The following ANKIB1 variants were observed in gnomAD, a reference collection of about 807,000 sequenced individuals.
ANKIB1 encodes ankyrin repeat and IBR domain containing 1.
ANKIB1 carries 43 observed loss-of-function variants against 122.1 expected under a neutral mutation model. The ratio of observed to expected loss-of-function variants is 0.35; its 90% CI spans 0.28 to 0.45. The LOEUF (loss-of-function observed/expected upper bound fraction) is 0.45. Ranked by LOEUF, ANKIB1 falls within the 20% of genes least tolerant of loss-of-function variation. ANKIB1 has a pLI of 1.00. For synonymous variants in ANKIB1, 390 were observed against 442.0 expected, an observed-to-expected ratio of 0.88 and a Z score of 1.48; for missense variants, 992 against 1,329.5, an observed-to-expected ratio of 0.75 and a Z score of 3.95.
chr7:92,384,617 C>G (rs970142215), intron 11 of ANKIB1, among the ~76,000 whole-genome samples: 13 of 152,064 alleles, frequency 8.5e-5, no homozygotes, highest in Non-Finnish European at 1.5e-4. Flanking sequence ...ACAAACCTGA[C>G]AAAAACAAGA....
intron 3 of ANKIB1, among the ~76,000 whole-genome samples, chr7:92,314,910 G>A (rs2131944134): frequency 6.6e-6 from 1 of 152,212 alleles, no homozygotes; most frequent in Non-Finnish European, 1.5e-5. Context: ...GGTTTGTGTG[G>A]TGGTACTGGA....
At chr7:92,258,121 G>C (rs1301522698) in intron 1 of ANKIB1, among the ~76,000 whole-genome samples, 2 of 152,142 alleles carry the variant, frequency 1.3e-5, no homozygotes, top group Non-Finnish European at 2.9e-5. Context: ...AAGTAAAAAG[G>C]GAGAATAAAG....
intron 10 of ANKIB1, among the ~76,000 whole-genome samples, chr7:92,366,518 C>G (rs1804087244): frequency 6.6e-6 from 1 of 152,198 alleles, no homozygotes; most frequent in Non-Finnish European, 1.5e-5. Context: ...CTCAAGCAGT[C>G]TTAAACTATG....
At position 92,377,487 on chromosome 7, in the gene ANKIB1, G is replaced by A. The variant is rs185890126; in HGVS notation, c.1617+5880G>A. 1.1e-4 allele frequency among the ~76,000 whole-genome samples: 17 copies of A among 152,222 alleles called. No homozygotes were observed. In the East Asian group the frequency reaches 1.4e-3, roughly 12 times the overall value. On this transcript the variant is annotated intron_variant, in intron 11 of 19. Coordinates refer to ENST00000265742, the MANE Select transcript of ANKIB1 (RefSeq NM_019004.2). ...AGAATTACCAAAATGTGACACAGAC[G>A]AGCAGTGAGCACATGCTGTTGGAAA...
At chr7:92,248,011 ACTT>A (rs758713006) in intron 1 of ANKIB1, among the ~76,000 whole-genome samples, 6 of 152,230 alleles carry the variant, frequency 3.9e-5, no homozygotes, top group Admixed American at 3.9e-4. Flanking sequence ...CTGGAAATGT[ACTT>A]AGCACAGAAG....
chr7:92,286,313 A>G (rs776889071), intron 1 of ANKIB1, among the ~76,000 whole-genome samples: 69 of 152,046 alleles, frequency 4.5e-4, no homozygotes, highest in African/African-American at 1.4e-3. Context: ...TGTCATTTAC[A>G]TGTGGCCCAG....
At chr7:92,346,548 A>G (rs1803543520) in intron 7 of ANKIB1, among the ~76,000 whole-genome samples, 1 of 152,228 alleles carries the variant, frequency 6.6e-6, no homozygotes, top group African/African-American at 2.4e-5. Flanking sequence ...CTCAGAGTCT[A>G]CTTAGATAGG....
chr7:92,246,204 C>T lies in ANKIB1; in HGVS notation c.-406C>T, dbSNP rs1249703438. 5.4e-6 allele frequency: 2 copies of T among 367,580 alleles called. No homozygotes were observed. The highest frequency in any genetic ancestry group is 1.0e-5 in the Non-Finnish European group (2 of 194,314). The allele number at this position is 367,580 out of a possible 1,614,324, so 22.8% of individuals were successfully genotyped here. A position where few individuals can be genotyped will look rare whatever the true frequency, so the allele number is the denominator to read the frequency against. On this transcript the variant is annotated 5_prime_UTR_variant, in exon 1 of 20. Coordinates refer to ENST00000265742, the MANE Select transcript of ANKIB1 (RefSeq NM_019004.2). ...CGCGAGGCGGAGGCAAGAGCCACCG[C>T]CCCCTCTTCCCCTCCCCCGAGTGAG...
chr7:92,328,010 A>G lies in ANKIB1; in HGVS notation c.787+110A>G. On this transcript the variant is annotated intron_variant, in intron 5 of 19. Coordinates refer to ENST00000265742, the MANE Select transcript of ANKIB1 (RefSeq NM_019004.2). Reference sequence around the variant, plus strand: ...GAATACAGAACAAAATGGTTTGTTAAAAAAGCCTAAGTTGTGTTTTGTGCA... The same window carrying G: ...GAATACAGAACAAAATGGTTTGTTAGAAAAGCCTAAGTTGTGTTTTGTGCA... 5.8e-6 allele frequency: 4 copies of G among 692,870 alleles called. No individual in the cohort carries two copies. The South Asian group carries it at 7.6e-5, about 13-fold the overall frequency. 42.9% of individuals were successfully genotyped at this position (692,870 alleles called of 1,614,324 possible).
At chr7:92,276,584 G>A (rs951458492) in intron 1 of ANKIB1, among the ~76,000 whole-genome samples, 3 of 152,204 alleles carry the variant, frequency 2.0e-5, no homozygotes, top group African/African-American at 7.2e-5. Context: ...AAGGTACCTT[G>A]ACAGCTAAGC....
intron 1 of ANKIB1, among the ~76,000 whole-genome samples, chr7:92,285,693 T>G (rs1371190765): frequency 6.6e-6 from 1 of 152,224 alleles, no homozygotes; most frequent in Non-Finnish European, 1.5e-5. Flanking sequence ...AACACTGAAT[T>G]ACATTGGCCA....
chr7:92,308,793 A>G (rs192716048), intron 3 of ANKIB1, among the ~76,000 whole-genome samples: 53 of 152,250 alleles, frequency 3.5e-4, no homozygotes, highest in African/African-American at 1.2e-3. Flanking sequence ...ATCCTTACAT[A>G]TCTCATAGAA....
chr7:92,300,069 A>G (rs1802431292), intron 2 of ANKIB1, among the ~76,000 whole-genome samples: 1 of 152,084 alleles, frequency 6.6e-6, no homozygotes, highest in African/African-American at 2.4e-5. Flanking sequence ...CGGCCTCCCA[A>G]AGTGTGGGGA....
At chr7:92,379,277 A>G (rs911242839) in intron 11 of ANKIB1, among the ~76,000 whole-genome samples, 24 of 152,252 alleles carry the variant, frequency 1.6e-4, no homozygotes, top group Admixed American at 1.5e-3. Context: ...CTGTAGTCCT[A>G]GCTACTCGGG....
At position 92,246,120 on chromosome 7, in the gene ANKIB1, G is replaced by A. The variant is rs1480451151; in HGVS notation, c.-490G>A. 3 of 286,768 alleles carry A rather than the reference G, an allele frequency of 1.0e-5. No individual in the cohort carries two copies. Among genetic ancestry groups the A allele is most frequent in the Non-Finnish European group, 2.0e-5 (3 of 149,034 alleles). The allele number at this position is 286,768 out of a possible 1,614,324, so 17.8% of individuals were successfully genotyped here. On this transcript the variant is annotated 5_prime_UTR_variant, in exon 1 of 20. Coordinates refer to ENST00000265742, the MANE Select transcript of ANKIB1 (RefSeq NM_019004.2). ...CGGAGCCGGAGCCGGAGGCGGGGGA[G>A]GGGAAGAGGGCGGCCGGGGCTGCGA... is the stretch of plus-strand genomic sequence containing the variant.
In ANKIB1 at chr7:92,381,208, A is replaced by G. The variant is rs370673883; in HGVS notation, c.1618-5301A>G. Among the ~76,000 whole-genome samples the G allele has an allele frequency of 5.1e-4, 77 of 152,326 alleles. No homozygotes were observed. In the South Asian group the frequency reaches 0.015, roughly 30 times the overall value. ...TTGGGAGAAAAAAGAGTAAAAAGAA[A>G]TGAACGAAGCCTCCAAGAAATAAGA... On this transcript the variant is annotated intron_variant, in intron 11 of 19. Coordinates refer to ENST00000265742, the MANE Select transcript of ANKIB1 (RefSeq NM_019004.2).
chr7:92,381,020 A>G (rs1257368029), intron 11 of ANKIB1, among the ~76,000 whole-genome samples: 1 of 152,192 alleles, frequency 6.6e-6, no homozygotes, highest in Non-Finnish European at 1.5e-5. Flanking sequence ...AAAAGATTAG[A>G]TGAATGGCTA....
rs201250536 is a variant in ANKIB1 at position 92,345,037 on chromosome 7, A to G, written c.1056A>G (p.Gly352=). The G allele has an allele frequency of 5.6e-3, 9,081 of 1,613,312 alleles. 49 individuals carry two copies. The highest frequency in any genetic ancestry group is 6.7e-3 in the Non-Finnish European group (7,908 of 1,179,500). ...VFEDPVDMPC[G]HDFCRGCWES... ...AAGACCCTGTGGATATGCCCTGTGGACATGACTTTTGTAGAGGATGTTGGG... is the reference window on the plus strand; with the variant it reads ...AAGACCCTGTGGATATGCCCTGTGGGCATGACTTTTGTAGAGGATGTTGGG... The change falls in exon 7 of 20, where the codon GGA becomes GGG. Residue 352 remains glycine (G), a synonymous_variant. Coordinates refer to ENST00000265742, the MANE Select transcript of ANKIB1 (RefSeq NM_019004.2).
chr7:92,290,055 G>T (rs1348026756), intron 1 of ANKIB1, among the ~76,000 whole-genome samples: 4 of 152,172 alleles, frequency 2.6e-5, no homozygotes, highest in African/African-American at 9.7e-5. Context: ...GGGCTCAAGC[G>T]ATCCTCCTGC....
Sources: allele counts gnomAD v4.1 joint callset (sites outside exome capture counted in the v4.1 genomes callset), GRCh38; gene constraint gnomAD v4.1.1; transcripts MANE v1.5; gene names NCBI Gene and HGNC (gene_info 2026-07-23, HGNC 2026-07-21).